PRIM2: variants seen among roughly 807,000 people sequenced by gnomAD.
PRIM2 encodes DNA primase subunit 2, also known as DNA primase large subunit.
Under a neutral mutation model 67.3 loss-of-function variants are expected in PRIM2, and 39 were observed. The observed-to-expected ratio is 0.58, with a 90% confidence interval of 0.45 to 0.76. The LOEUF is 0.76. Among genes scored for constraint, PRIM2 ranks in the 30% least tolerant of loss-of-function variants. The pLI is 0.00. For missense variants in PRIM2, 398 were observed against 598.7 expected (o/e 0.66, Z 3.50); for synonymous variants, 143 against 198.7 (o/e 0.72, Z 2.36).
chr6:57,544,991 C>T (rs1184182587), intron 10 of PRIM2, among the ~76,000 whole-genome samples: 2 of 152,058 alleles, frequency 1.3e-5, no homozygotes, highest in African/African-American at 4.8e-5. Flanking sequence ...AAAAAATAAT[C>T]TTTATCTGTT....
intron 5 of PRIM2, 29 bp downstream of exon 5, chr6:57,326,074 T>A (rs1251123920): frequency 1.2e-6 from 2 of 1,606,444 alleles, no homozygotes; most frequent in South Asian, 2.2e-5. Context: ...TTATTTCTAA[T>A]TGTTCTCACC....
At chr6:57,296,142 A>G in the PRIM2 span, among the ~76,000 whole-genome samples, 1 of 152,218 alleles carries the variant, frequency 6.6e-6, no homozygotes, top group Non-Finnish European at 1.5e-5. Context: ...AAGAAAAAGA[A>G]CAAATCTCAA....
At chr6:57,363,674 TTTTAAGATATTCTA>T (rs1418855134) in intron 5 of PRIM2, among the ~76,000 whole-genome samples, 3 of 152,210 alleles carry the variant, frequency 2.0e-5, no homozygotes, top group African/African-American at 7.2e-5. Flanking sequence ...CTTAGTCTCC[TTTTAAGATATTCTA>T]TTTAATTTAC....
At chr6:57,360,991 G>A (rs1329991774) in intron 5 of PRIM2, among the ~76,000 whole-genome samples, 1 of 152,088 alleles carries the variant, frequency 6.6e-6, no homozygotes, top group Non-Finnish European at 1.5e-5. Flanking sequence ...CCACATTTAG[G>A]TAGGGTAGGA....
intron 11 of PRIM2, among the ~76,000 whole-genome samples, chr6:57,601,771 T>C (rs1390972919): frequency 6.6e-6 from 1 of 152,226 alleles, no homozygotes; most frequent in East Asian, 1.9e-4. Flanking sequence ...TTGTCTGGTA[T>C]GTCCAAGAAT....
chr6:57,487,058 G>A (rs1321800468), intron 7 of PRIM2, among the ~76,000 whole-genome samples: 2 of 152,144 alleles, frequency 1.3e-5, no homozygotes, highest in African/African-American at 4.8e-5. Flanking sequence ...TATAGTCATT[G>A]TTACATCAGG....
At chr6:57,374,681 C>G (rs1383325863) in intron 5 of PRIM2, among the ~76,000 whole-genome samples, 2 of 152,098 alleles carry the variant, frequency 1.3e-5, no homozygotes, top group African/African-American at 2.4e-5. Context: ...ACCTCCACCT[C>G]CCAGGTTCAA....
the PRIM2 span, among the ~76,000 whole-genome samples, chr6:57,246,857 CTTT>C: frequency 3.6e-5 from 5 of 140,314 alleles, no homozygotes; most frequent in East Asian, 2.1e-4. Flanking sequence ...GACTTAATTT[CTTT>C]TTTTTTTTTT....
chr6:57,425,912 T>C (rs1328704897), intron 7 of PRIM2, among the ~76,000 whole-genome samples: 1 of 152,176 alleles, frequency 6.6e-6, no homozygotes, highest in African/African-American at 2.4e-5. Context: ...AATATAGGCC[T>C]GTTTATGCCC....
chr6:57,383,352 A>G (rs1770024227), intron 7 of PRIM2: 1 of 152,134 alleles, frequency 6.6e-6, no homozygotes, highest in Non-Finnish European at 1.5e-5. Context: ...CATATTGGAT[A>G]GTTTTAGCTG....
At chr6:57,312,595 G>GT (rs1045598432), upstream of PRIM2, among the ~76,000 whole-genome samples, 4 of 152,082 alleles carry the variant, frequency 2.6e-5, no homozygotes, top group African/African-American at 4.8e-5. Flanking sequence ...TTTTTAGCTT[G>GT]TTTTTTTAAA....
chr6:57,567,944 G>A (rs1281098649), intron 10 of PRIM2, among the ~76,000 whole-genome samples: 37 of 152,078 alleles, frequency 2.4e-4, no homozygotes, highest in African/African-American at 8.0e-4. Context: ...TGTGAACGAA[G>A]GTATGTATAT....
chr6:57,239,578 C>CA, the PRIM2 span, among the ~76,000 whole-genome samples: 1 of 151,992 alleles, frequency 6.6e-6, no homozygotes, highest in Non-Finnish European at 1.5e-5. Context: ...CCCATCTCTA[C>CA]AAAAAATACA....
intron 7 of PRIM2, among the ~76,000 whole-genome samples, chr6:57,458,727 T>C (rs1772897294): frequency 6.6e-6 from 1 of 152,112 alleles, no homozygotes; most frequent in Non-Finnish European, 1.5e-5. Context: ...AAATCTACGA[T>C]TATTTGATGA....
chr6:57,629,630 G>C (rs1205458769), intron 12 of PRIM2, among the ~76,000 whole-genome samples: 1 of 151,820 alleles, frequency 6.6e-6, no homozygotes, highest in African/African-American at 2.4e-5. Flanking sequence ...TTGCCACCCT[G>C]GTCCATGGAT....
chr6:57,554,887 G>A (rs1256123894), intron 10 of PRIM2, among the ~76,000 whole-genome samples: 2 of 152,202 alleles, frequency 1.3e-5, no homozygotes, highest in South Asian at 2.1e-4. Flanking sequence ...AACCCTTCCA[G>A]CCAGATCATT....
intron 7 of PRIM2, among the ~76,000 whole-genome samples, chr6:57,394,202 G>T (rs1366332256): frequency 3.3e-5 from 5 of 152,164 alleles, no homozygotes; most frequent in African/African-American, 1.2e-4. Context: ...TGTGAAGAAT[G>T]ATGGTGGTAT....
chr6:57,224,636 GA>G, the PRIM2 span, among the ~76,000 whole-genome samples: 496 of 142,034 alleles, frequency 3.5e-3, 2 homozygotes, highest in Middle Eastern at 7.2e-3. Context: ...TTTTTAATGG[GA>G]AAAAAAAAAA....
upstream of PRIM2, among the ~76,000 whole-genome samples, chr6:57,313,491 C>A (rs1371047288): frequency 6.6e-6 from 1 of 152,174 alleles, no homozygotes; most frequent in Non-Finnish European, 1.5e-5. Context: ...GGTAGTGTTT[C>A]TTCACCGTGC....
Sources: allele counts gnomAD v4.1 joint callset (sites outside exome capture counted in the v4.1 genomes callset), GRCh38; gene constraint gnomAD v4.1.1; transcripts MANE v1.5; gene names NCBI Gene and HGNC (gene_info 2026-07-23, HGNC 2026-07-21).